The following ESCO1 variants were observed in gnomAD, a reference collection of about 807,000 sequenced individuals.
ESCO1 encodes N-acetyltransferase ESCO1.
Under a neutral mutation model 83.5 loss-of-function variants are expected in ESCO1, and 33 were observed. That is an observed-to-expected ratio of 0.40 (90% CI 0.30 to 0.53). ESCO1 has a LOEUF of 0.53. Among genes scored for constraint, ESCO1 ranks in the 20% least tolerant of loss-of-function variants. The probability of loss-of-function intolerance (pLI) is 0.63; values close to 1 mark genes in which losing one functional copy is unlikely to be tolerated. For synonymous variants in ESCO1, 332 were observed against 324.3 expected (o/e 1.02, Z -0.25); for missense variants, 855 against 968.0 (o/e 0.88, Z 1.55).
chr18:21,533,347 G>A (rs1359441593), intron 10 of ESCO1, among the ~76,000 whole-genome samples: 1 of 152,132 alleles, frequency 6.6e-6, no homozygotes, highest in African/African-American at 2.4e-5. Context: ...CCAGGCTGGA[G>A]TACAGTGGTG....
chr18:21,535,869 T>G (rs1276355094), intron 10 of ESCO1, among the ~76,000 whole-genome samples, 173 bp downstream of exon 10: 1 of 152,220 alleles, frequency 6.6e-6, no homozygotes, highest in East Asian at 1.9e-4. Context: ...AGAAACTAAT[T>G]CCCATGCATA....
intron 9 of ESCO1, 107 bp downstream of exon 9, chr18:21,539,813 A>G: frequency 1.1e-6 from 1 of 870,156 alleles, no homozygotes; most frequent in Non-Finnish European, 1.8e-6. Flanking sequence ...GTGCCACTGC[A>G]CTCCAGCCTG....
chr18:21,566,859 C>CA lies in ESCO1; in HGVS notation c.1646-654dup, dbSNP rs770904408. On this transcript the variant is annotated intron_variant, in intron 5 of 11. Coordinates refer to ENST00000269214, the MANE Select transcript of ESCO1 (RefSeq NM_052911.3). Reference sequence around the variant, plus strand: ...TGGAGGACAGAGCAAGGCTCTGCCTCAAAAAAAAAAAAAAAATGGTCTCTG... The same window carrying CA: ...TGGAGGACAGAGCAAGGCTCTGCCTCAAAAAAAAAAAAAAAAATGGTCTCTG... Among the ~76,000 whole-genome samples, 356 of 64,174 alleles carry CA rather than the reference C, an allele frequency of 5.5e-3. 3 individuals carry two copies. The highest frequency in any genetic ancestry group is 0.027 in the South Asian group (56 of 2,092). The allele number at this position is 64,174 out of a possible 152,430, so 42.1% of individuals were successfully genotyped here.
At chr18:21,589,201 T>A (rs1225219900) in intron 1 of ESCO1, among the ~76,000 whole-genome samples, 1 of 150,002 alleles carries the variant, frequency 6.7e-6, no homozygotes, top group African/African-American at 2.5e-5. Context: ...ATTGCACCAC[T>A]GCACTCCAGC....
chr18:21,539,743 G>A (rs1231696645), intron 9 of ESCO1, among the ~76,000 whole-genome samples, 177 bp downstream of exon 9: 1 of 152,084 alleles, frequency 6.6e-6, no homozygotes, highest in East Asian at 1.9e-4. Flanking sequence ...ACCTACTCGG[G>A]AGGTGGAGGC....
intron 1 of ESCO1, among the ~76,000 whole-genome samples, chr18:21,585,067 G>C (rs983928303): frequency 6.6e-6 from 1 of 151,316 alleles, no homozygotes; most frequent in Non-Finnish European, 1.5e-5. Context: ...CTTGAACCCG[G>C]GAGGCAGAGG....
At chr18:21,570,119 A>T (rs994155027) in intron 4 of ESCO1, among the ~76,000 whole-genome samples, 2 of 152,190 alleles carry the variant, frequency 1.3e-5, no homozygotes, top group Non-Finnish European at 2.9e-5. Flanking sequence ...TTCTTTTGAG[A>T]TAGAGTCTCA....
chr18:21,562,304 C>T (rs1462882263), intron 7 of ESCO1, among the ~76,000 whole-genome samples: 1 of 151,938 alleles, frequency 6.6e-6, no homozygotes, highest in Non-Finnish European at 1.5e-5. Flanking sequence ...GGTGAAACCC[C>T]ATCTCTACTA....
intron 1 of ESCO1, among the ~76,000 whole-genome samples, chr18:21,591,818 C>A (rs560616816): frequency 6.6e-6 from 1 of 151,944 alleles, no homozygotes; most frequent in Non-Finnish European, 1.5e-5. Flanking sequence ...GCCCTGCGGC[C>A]TTCCGCAGTG....
intron 2 of ESCO1, among the ~76,000 whole-genome samples, chr18:21,576,411 G>A (rs181640971): frequency 9.0e-4 from 137 of 152,286 alleles, no homozygotes; most frequent in African/African-American, 3.0e-3. Flanking sequence ...ACTGAGACAG[G>A]AGGATTGTTT....
intron 1 of ESCO1, among the ~76,000 whole-genome samples, chr18:21,600,099 A>G (rs1310160477): frequency 2.6e-5 from 4 of 152,222 alleles, no homozygotes; most frequent in Non-Finnish European, 4.4e-5. Context: ...CGCGCCCCGC[A>G]AACTGCAGAG....
At chr18:21,561,425 ATT>A (rs1173785093) in intron 7 of ESCO1, among the ~76,000 whole-genome samples, 1 of 151,866 alleles carries the variant, frequency 6.6e-6, no homozygotes, top group Non-Finnish European at 1.5e-5. Context: ...TGTCTGGCTA[ATT>A]TTTGTTTGTT....
At chr18:21,581,181 C>T (rs1407997713) in intron 2 of ESCO1, among the ~76,000 whole-genome samples, 5 of 151,738 alleles carry the variant, frequency 3.3e-5, no homozygotes, top group African/African-American at 7.3e-5. Context: ...GGCGTGGTGG[C>T]GGGTGCCTGT....
At position 21,532,541 on chromosome 18, in the gene ESCO1, GATCCCGCAGATTGCAGGCTCTGGTA is replaced by G; in HGVS notation, c.2282_2306del (p.Leu761SerfsTer9). 1 of 1,614,178 alleles carries G rather than the reference GATCCCGCAGATTGCAGGCTCTGGTA, an allele frequency of 6.2e-7. No individual in the cohort carries two copies. Among genetic ancestry groups the G allele is most frequent in the South Asian group, 1.1e-5 (1 of 91,090 alleles). On this transcript the variant is annotated frameshift_variant, in exon 11 of 12. Coordinates refer to ENST00000269214, the MANE Select transcript of ESCO1 (RefSeq NM_052911.3). LOFTEE classifies it high-confidence loss of function. ...TCATGCTGAATACCCATATTCGACT[GATCCCGCAGATTGCAGGCTCTGGTA>G]ATGTTGAGCAGCACCAGGCTTTTTG...
chr18:21,566,202 T>C lies in ESCO1; in HGVS notation c.1650A>G (p.Ser550=), dbSNP rs764656826. The change falls in exon 6 of 12, where the codon TCA becomes TCG. Residue 550 remains serine (S), a synonymous_variant. Transcript: ENST00000269214. ...TGAGAATACTATGCTGTTGGGGAGC[T>C]GAACCTGTAATTTAATCAAGAAGGT... ...IDTGENKFPG[S]APQQHSILSN... The C allele has an allele frequency of 2.5e-6, 4 of 1,612,448 alleles. No homozygotes were observed. The African/African-American group carries it at 4.0e-5, about 16-fold the overall frequency.
chr18:21,564,349 G>C, intron 6 of ESCO1, 32 bp from the exon 7 acceptor site: 1 of 1,355,344 alleles, frequency 7.4e-7, no homozygotes, highest in African/African-American at 1.5e-5. Context: ...AAATGTTACA[G>C]ATCCAAGTCA....
intron 1 of ESCO1, among the ~76,000 whole-genome samples, chr18:21,590,928 A>C (rs1007041211): frequency 6.6e-6 from 1 of 151,092 alleles, no homozygotes; most frequent in African/African-American, 2.4e-5. Context: ...CTCACGACAG[A>C]GCGAGACTGT....
intron 1 of ESCO1, among the ~76,000 whole-genome samples, chr18:21,591,501 C>A (rs2038667791): frequency 6.6e-6 from 1 of 152,138 alleles, no homozygotes; most frequent in African/African-American, 2.4e-5. Context: ...ACACAAAATT[C>A]TTTACACATC....
chr18:21,530,705 A>C (rs2037757097), intron 11 of ESCO1, among the ~76,000 whole-genome samples: 1 of 152,188 alleles, frequency 6.6e-6, no homozygotes, highest in African/African-American at 2.4e-5. Context: ...CAATGTAAAA[A>C]CATTTACCCA....
Sources: allele counts gnomAD v4.1 joint callset (sites outside exome capture counted in the v4.1 genomes callset), GRCh38; gene constraint gnomAD v4.1.1; transcripts MANE v1.5; gene names NCBI Gene and HGNC (gene_info 2026-07-23, HGNC 2026-07-21).